The following CTTN variants were observed in gnomAD, a reference collection of about 807,000 sequenced individuals.
The protein encoded by CTTN is src substrate cortactin.
In CTTN, 28 loss-of-function variants were observed where a neutral mutation model predicts 84.0. That is an observed-to-expected ratio of 0.33 (90% confidence interval 0.25 to 0.46). The LOEUF (loss-of-function observed/expected upper bound fraction) is 0.46. Among genes scored for constraint, CTTN ranks in the 20% least tolerant of loss-of-function variants. The probability of loss-of-function intolerance (pLI) is 1.00; values close to 1 mark genes in which losing one functional copy is unlikely to be tolerated. For missense variants in CTTN, 641 were observed against 723.8 expected, an observed-to-expected ratio of 0.89 and a Z score of 1.31; for synonymous variants, 301 against 288.8, an observed-to-expected ratio of 1.04 and a Z score of -0.43.
rs181875838 is a variant in CTTN, at chr11:70,422,164, C to T, written c.901+584C>T. On this transcript the variant is annotated intron_variant, in intron 11 of 17. Coordinates refer to ENST00000301843, the MANE Select transcript of CTTN (RefSeq NM_005231.4). ...TCCACACAGAGCCACACAGTATGTA[C>T]GTGAAGCCAGCTCTGCATCCTTCCT... The T allele has an allele frequency of 3.4e-3, 1,126 of 328,348 alleles. 3 individuals are homozygous for T. The highest frequency in any genetic ancestry group is 4.8e-3 in the Non-Finnish European group (789 of 164,964). The allele number at this position is 328,348 out of a possible 1,614,324, so 20.3% of individuals were successfully genotyped here. A position where few individuals can be genotyped will look rare whatever the true frequency, so the allele number is the denominator to read the frequency against.
In CTTN at chr11:70,435,119, G is replaced by A. The variant is rs769689288; in HGVS notation, c.1610G>A (p.Arg537Gln). 9.9e-6 allele frequency: 16 copies of A among 1,613,628 alleles called. No homozygotes were observed. Among genetic ancestry groups the A allele is most frequent in the East Asian group, 8.9e-5 (4 of 44,872 alleles). Reference sequence around the variant, plus strand: ...TGGTGGCGCGGGGTGTGCAAGGGCCGGTACGGGCTCTTCCCAGCCAACTAT... The same window carrying A: ...TGGTGGCGCGGGGTGTGCAAGGGCCAGTACGGGCTCTTCCCAGCCAACTAT... Reference protein sequence around the residue: ...DGWWRGVCKGRYGLFPANYVE... With the variant: ...DGWWRGVCKGQYGLFPANYVE... The change falls in exon 18 of 18, where the codon CGG becomes CAG. Residue 537 changes from arginine to glutamine, a missense_variant. Around this residue, in one of 3 missense-constraint regions of CTTN, gnomAD observed 68 missense variants for 102.2 expected, o/e 0.67. Transcript: ENST00000301843.
chr11:70,409,980 C>T lies in CTTN; in HGVS notation c.291+20C>T, dbSNP rs2058081018. 6.2e-7 allele frequency: 1 copy of T among 1,613,460 alleles called. No individual in the cohort carries two copies. The highest frequency in any genetic ancestry group is 8.5e-7 in the Non-Finnish European group (1 of 1,179,844). ...GATAAGGTAAGTGGCCCGCGGCTGC[C>T]TATGCCAGGCTCCTGGTGTGCTTGG... On this transcript the variant is annotated intron_variant, in intron 5 of 17. Coordinates refer to ENST00000301843, the MANE Select transcript of CTTN (RefSeq NM_005231.4).
Position 70,419,710 on chromosome 11 carries a change from C to G in CTTN, c.569-36C>G, listed in dbSNP as rs780911761. ...ACTTGCATGTTCACTGATTTCGTTGCTCCTTTTAAAGTAGTCCTTTTTTGT... is the reference window on the plus strand; with the variant it reads ...ACTTGCATGTTCACTGATTTCGTTGGTCCTTTTAAAGTAGTCCTTTTTTGT... On this transcript the variant is annotated intron_variant, in intron 8 of 17. Coordinates refer to ENST00000301843, the MANE Select transcript of CTTN (RefSeq NM_005231.4). The G allele has an allele frequency of 2.9e-5, 44 of 1,543,676 alleles. No individual in the cohort carries two copies. The East Asian group carries it at 9.9e-4, about 35-fold the overall frequency.
intron 5 of CTTN, among the ~76,000 whole-genome samples, chr11:70,412,241 A>G (rs1591436075): frequency 6.6e-6 from 1 of 152,296 alleles, no homozygotes; most frequent in African/African-American, 2.4e-5. Flanking sequence ...AGCCTGGGCA[A>G]CATAGCAAGA....
chr11:70,424,339 G>T (rs1178608911), intron 12 of CTTN, among the ~76,000 whole-genome samples: 1 of 152,138 alleles, frequency 6.6e-6, no homozygotes, highest in Non-Finnish European at 1.5e-5. Context: ...TGTTGGCGGT[G>T]ACCGCTGAGC....
At position 70,407,324 on chromosome 11, in the gene CTTN, T is replaced by C. The variant is rs1241423128; in HGVS notation, c.27T>C (p.Ala9=). Residue 9 remains alanine, a synonymous_variant, in exon 3 of 18, where the codon GCT becomes GCC. Coordinates refer to ENST00000301843, the MANE Select transcript of CTTN (RefSeq NM_005231.4). ...TGTGGAAAGCTTCAGCAGGCCACGC[T>C]GTGTCCATCGCCCAGGATGACGCGG... is the stretch of plus-strand genomic sequence containing the variant. MWKASAGH[A]VSIAQDDAGA... is the part of the protein sequence containing the mutation. 2 of 1,555,060 alleles carry C rather than the reference T, an allele frequency of 1.3e-6. No individual in the cohort carries two copies.
intron 1 of CTTN, among the ~76,000 whole-genome samples, chr11:70,402,580 C>T (rs1413700467): frequency 6.6e-6 from 1 of 152,194 alleles, no homozygotes; most frequent in Non-Finnish European, 1.5e-5. Context: ...GAAATTGAAT[C>T]GTATAATATG....
chr11:70,425,490 G>C, intron 13 of CTTN, 89 bp downstream of exon 13: 1 of 916,074 alleles, frequency 1.1e-6, no homozygotes, highest in Admixed American at 2.1e-5. Flanking sequence ...AGGAGCAGAT[G>C]CACCACTAGT....
intron 5 of CTTN, among the ~76,000 whole-genome samples, chr11:70,411,617 G>C (rs2058097360): frequency 6.6e-6 from 1 of 152,194 alleles, no homozygotes; most frequent in Non-Finnish European, 1.5e-5. Flanking sequence ...ACATATTGGG[G>C]AAAAGAAAGG....
rs148961453 is a variant in CTTN, at chr11:70,433,250, C to T, written c.1416C>T (p.Ser472=). The change falls in exon 16 of 18, where the codon AGC becomes AGT. Residue 472 remains serine (S), a synonymous_variant. Coordinates refer to ENST00000301843, the MANE Select transcript of CTTN (RefSeq NM_005231.4). The part of the protein sequence containing the change: ...LAYATEAVYE[S]AEAPGHYPAE... ...ATGCCACAGAGGCTGTCTATGAAAG[C>T]GCAGAGGCCCCGGGCCACTATCCCG... 8.3e-5 allele frequency: 134 copies of T among 1,612,350 alleles called. No homozygotes were observed. In the African/African-American group the frequency reaches 1.4e-3, roughly 17 times the overall value.
In CTTN at chr11:70,435,566, T is replaced by A; in HGVS notation, c.*404T>A. 6.4e-7 allele frequency: 1 copy of A among 1,563,318 alleles called. No individual in the cohort carries two copies. ...AGCACGAGGCCTCAGGTCGGCCCTGTGGCGGGTAGGCAGGAAGGACTGTCC... is the reference window on the plus strand; with the variant it reads ...AGCACGAGGCCTCAGGTCGGCCCTGAGGCGGGTAGGCAGGAAGGACTGTCC... On this transcript the variant is annotated 3_prime_UTR_variant, in exon 18 of 18. Transcript: ENST00000301843.
At chr11:70,407,134 G>A (rs1365850505) in intron 2 of CTTN, among the ~76,000 whole-genome samples, 164 bp from the exon 3 acceptor site, 1 of 152,164 alleles carries the variant, frequency 6.6e-6, no homozygotes. Context: ...TTTTACTCCT[G>A]TGGTTGTCAG....
At chr11:70,406,521 G>GAA (rs200374908) in intron 2 of CTTN, among the ~76,000 whole-genome samples, 2,046 of 122,582 alleles carry the variant, frequency 0.017, 16 homozygotes, top group Non-Finnish European at 0.026. Context: ...TACATAGTTT[G>GAA]AAAAAAAAAA....
chr11:70,403,585 A>G (rs1290552391), intron 1 of CTTN, among the ~76,000 whole-genome samples: 1 of 152,176 alleles, frequency 6.6e-6, no homozygotes, highest in Non-Finnish European at 1.5e-5. Flanking sequence ...TTAATTTTGT[A>G]CAATTTATTT....
rs372839185 is a variant in CTTN, at chr11:70,435,700, A to G, written c.*538A>G. On this transcript the variant is annotated 3_prime_UTR_variant, in exon 18 of 18. Coordinates refer to ENST00000301843, the MANE Select transcript of CTTN (RefSeq NM_005231.4). ...CAGAGCACAGGAGCTGCCATGTCAG[A>G]TGGGAAATCTGCCTATGTCATACCG... 36 of 1,597,806 alleles carry G rather than the reference A, an allele frequency of 2.3e-5. No individual in the cohort carries two copies. Among genetic ancestry groups the G allele is most frequent in the Non-Finnish European group, 3.0e-5 (35 of 1,179,658 alleles).
At chr11:70,428,929 C>G in intron 13 of CTTN, 122 bp from the exon 14 acceptor site, 3 of 1,244,592 alleles carry the variant, frequency 2.4e-6, no homozygotes, top group Non-Finnish European at 3.4e-6. Context: ...GAACCTTTCC[C>G]TCCTTGGGGG....
At chr11:70,412,733 T>C (rs2058108558) in intron 5 of CTTN, among the ~76,000 whole-genome samples, 1 of 152,178 alleles carries the variant, frequency 6.6e-6, no homozygotes, top group African/African-American at 2.4e-5. Context: ...CCTTGTCTCC[T>C]TGCATCCCGT....
chr11:70,423,881 G>A lies in CTTN; in HGVS notation c.957+886G>A, dbSNP rs537638116. 3.4e-3 allele frequency among the ~76,000 whole-genome samples: 525 copies of A among 152,324 alleles called. 5 individuals carry two copies. Among genetic ancestry groups the A allele is most frequent in the Non-Finnish European group, 3.9e-3 (262 of 68,030 alleles). On this transcript the variant is annotated intron_variant, in intron 12 of 17. Transcript: ENST00000301843. ...GGGGGGTCTACTTTGAGAAGCCCCCGGCCTCAGCGTGGAGTCTGGGTTGTG... is the reference window on the plus strand; with the variant it reads ...GGGGGGTCTACTTTGAGAAGCCCCCAGCCTCAGCGTGGAGTCTGGGTTGTG...
intron 6 of CTTN, 106 bp downstream of exon 6, chr11:70,414,758 G>C (rs1392833481): frequency 1.3e-6 from 1 of 767,116 alleles, no homozygotes; most frequent in East Asian, 2.5e-5. Flanking sequence ...GTGCCCTCCA[G>C]CTCTGGGGGA....
Sources: allele counts gnomAD v4.1 joint callset (sites outside exome capture counted in the v4.1 genomes callset), GRCh38; gene constraint gnomAD v4.1.1; regional missense constraint gnomAD v4.1.1; transcripts MANE v1.5; gene names NCBI Gene and HGNC (gene_info 2026-07-23, HGNC 2026-07-21).